HACE1: variants seen among roughly 807,000 people sequenced by gnomAD.
The protein encoded by HACE1 is HECT domain and ankyrin repeat containing E3 ubiquitin protein ligase 1, also known as E3 ubiquitin-protein ligase HACE1.
HACE1 carries 73 observed loss-of-function variants against 118.4 expected under a neutral mutation model. The observed-to-expected ratio is 0.62, with a 90% confidence interval of 0.51 to 0.75. The LOEUF (loss-of-function observed/expected upper bound fraction) is 0.75, where lower values mean the gene tolerates loss of function less well. Among genes scored for constraint, HACE1 ranks in the 30% least tolerant of loss-of-function variants. HACE1 has a pLI of 0.00. For synonymous variants in HACE1, 368 were observed against 374.8 expected (o/e 0.98, Z 0.21); for missense variants, 749 against 1,102.2 (o/e 0.68, Z 4.54).
At chr6:104,737,757 G>C (rs966114845) in intron 22 of HACE1, among the ~76,000 whole-genome samples, 1 of 152,156 alleles carries the variant, frequency 6.6e-6, no homozygotes, top group Non-Finnish European at 1.5e-5. Context: ...GGGGAGGGGC[G>C]CCCGCCATTT....
intron 11 of HACE1, among the ~76,000 whole-genome samples, chr6:104,789,460 T>C (rs1001181721): frequency 2.0e-5 from 3 of 152,014 alleles, no homozygotes; most frequent in Non-Finnish European, 2.9e-5. Context: ...TTATATATTA[T>C]ATATATCATA....
chr6:104,850,517 A>G (rs1307662228), intron 3 of HACE1, among the ~76,000 whole-genome samples: 1 of 152,222 alleles, frequency 6.6e-6, no homozygotes, highest in Non-Finnish European at 1.5e-5. Flanking sequence ...ATACCAGGAG[A>G]CTGTAGATAA....
At chr6:104,835,649 G>C (rs1333065527) in intron 5 of HACE1, among the ~76,000 whole-genome samples, 2 of 152,042 alleles carry the variant, frequency 1.3e-5, no homozygotes, top group African/African-American at 4.8e-5. Flanking sequence ...GACAGAAAAA[G>C]AAATCATGAA....
intron 7 of HACE1, 47 bp downstream of exon 7, chr6:104,811,264 A>ATATATATATG: frequency 2.5e-6 from 1 of 400,476 alleles, no homozygotes; most frequent in Non-Finnish European, 4.7e-6. Flanking sequence ...ATATATATAT[A>ATATATATATG]TATATATATG....
chr6:104,796,074 C>T (rs1224788220), intron 9 of HACE1, among the ~76,000 whole-genome samples: 1 of 151,980 alleles, frequency 6.6e-6, no homozygotes, highest in South Asian at 2.1e-4. Flanking sequence ...GAGTCTTTTC[C>T]TCTTGCCATG....
At chr6:104,829,660 A>G (rs1359616832) in intron 6 of HACE1, among the ~76,000 whole-genome samples, 3 of 152,154 alleles carry the variant, frequency 2.0e-5, no homozygotes, top group Non-Finnish European at 2.9e-5. Flanking sequence ...GCAGGTAACT[A>G]TAATTGACCA....
intron 19 of HACE1, among the ~76,000 whole-genome samples, chr6:104,751,703 C>T (rs768238585): frequency 1.3e-4 from 19 of 151,940 alleles, no homozygotes; most frequent in Non-Finnish European, 2.2e-4. Context: ...GAATTATATA[C>T]AGAGAGAGAA....
chr6:104,762,937 C>A (rs1779556412), intron 19 of HACE1, among the ~76,000 whole-genome samples: 1 of 140,836 alleles, frequency 7.1e-6, no homozygotes, highest in South Asian at 2.2e-4. Context: ...TTGCAGTGAG[C>A]TGAGATCGCG....
At chr6:104,836,498 A>G (rs998860070) in intron 5 of HACE1, among the ~76,000 whole-genome samples, 7 of 152,112 alleles carry the variant, frequency 4.6e-5, no homozygotes, top group Non-Finnish European at 2.9e-5. Context: ...GAATCACCGG[A>G]GGTCAGGAGT....
At chr6:104,796,619 T>C (rs759055641) in intron 9 of HACE1, 36 bp downstream of exon 9, 2 of 1,011,366 alleles carry the variant, frequency 2.0e-6, no homozygotes, top group Non-Finnish European at 3.1e-6. Flanking sequence ...GGAATAAAGC[T>C]TCTTCATTTA....
At chr6:104,858,039 AAAAG>A (rs1442979824) in intron 1 of HACE1, among the ~76,000 whole-genome samples, 1 of 152,202 alleles carries the variant, frequency 6.6e-6, no homozygotes, top group African/African-American at 2.4e-5. Context: ...TAGGGAGGGA[AAAAG>A]AAATAACAAT....
chr6:104,852,210 TGTGTGTGTGTGTGTGTGTGC>T, intron 2 of HACE1, 87 bp downstream of exon 2: 1 of 671,722 alleles, frequency 1.5e-6, no homozygotes, highest in South Asian at 1.5e-5. Flanking sequence ...TGTGTGTGTG[TGTGTGTGTGTGTGTGTGTGC>T]GCGCGTGCGC....
intron 2 of HACE1, among the ~76,000 whole-genome samples, chr6:104,851,747 T>C (rs1321069743): frequency 1.3e-5 from 2 of 152,220 alleles, no homozygotes; most frequent in African/African-American, 2.4e-5. Context: ...AAAAATTTTT[T>C]TAACTTGTTT....
At chr6:104,847,806 T>G (rs1309576962) in intron 4 of HACE1, among the ~76,000 whole-genome samples, 2 of 151,916 alleles carry the variant, frequency 1.3e-5, no homozygotes, top group African/African-American at 2.4e-5. Context: ...AGAAGTTTTT[T>G]GGGGTTTTTT....
intron 17 of HACE1, among the ~76,000 whole-genome samples, chr6:104,775,685 A>G (rs1339808733): frequency 6.6e-6 from 1 of 152,226 alleles, no homozygotes. Flanking sequence ...ACAGAGTTAA[A>G]GCAGGCAGTT....
rs1042775349 is a variant in HACE1, at chr6:104,839,472, A to C, written c.402+3751T>G. 2.0e-5 allele frequency among the ~76,000 whole-genome samples: 3 copies of C among 152,218 alleles called. No individual in the cohort carries two copies. In the East Asian group the frequency reaches 5.8e-4, roughly 29 times the overall value. ...TCTCTGTAACATTCTTGAAATGACTAATGGAGAACAAATTAATGGTTGCTA... is the reference window on the plus strand; with the variant it reads ...TCTCTGTAACATTCTTGAAATGACTCATGGAGAACAAATTAATGGTTGCTA... On this transcript the variant is annotated intron_variant, in intron 5 of 23. Coordinates refer to ENST00000262903, the MANE Select transcript of HACE1 (RefSeq NM_020771.4).
At chr6:104,787,888 AATAAG>A (rs941134428) in intron 11 of HACE1, among the ~76,000 whole-genome samples, 12 of 152,172 alleles carry the variant, frequency 7.9e-5, no homozygotes, top group South Asian at 2.1e-4. Flanking sequence ...TGAGAAAAAA[AATAAG>A]ATAAGTAATA....
chr6:104,833,983 CA>C (rs1002578396), intron 5 of HACE1, among the ~76,000 whole-genome samples: 5 of 146,518 alleles, frequency 3.4e-5, no homozygotes, highest in South Asian at 2.2e-4. Flanking sequence ...GACTCCGTCT[CA>C]AAAAAAAAAA....
At chr6:104,832,830 G>A (rs1774143038) in intron 6 of HACE1, among the ~76,000 whole-genome samples, 1 of 151,958 alleles carries the variant, frequency 6.6e-6, no homozygotes, top group African/African-American at 2.4e-5. Flanking sequence ...GCCCAGGAGT[G>A]TAAGGCTGCA....
Sources: gnomAD v4.1 joint callset for allele counts (sites outside exome capture counted in the v4.1 genomes callset) on GRCh38, gnomAD v4.1.1 for gene constraint, MANE v1.5 for transcripts, NCBI Gene and HGNC (gene_info 2026-07-23, HGNC 2026-07-21) for gene names.